Variants in SORCS1 observed in about 807,000 individuals in gnomAD.
SORCS1 encodes the protein sortilin related VPS10 domain containing receptor 1.
Under a neutral mutation model 146.1 loss-of-function variants are expected in SORCS1, and 60 were observed. The ratio of observed to expected loss-of-function variants is 0.41; its 90% CI spans 0.33 to 0.51. SORCS1 has a LOEUF of 0.51. Among genes scored for constraint, SORCS1 ranks in the 20% least tolerant of loss-of-function variants. SORCS1 has a pLI of 0.21. For synonymous variants in SORCS1, 637 were observed against 584.0 expected (o/e 1.09, Z -1.31); for missense variants, 1,352 against 1,487.6 (o/e 0.91, Z 1.50).
At chr10:106,632,464 G>A (rs1035954165) in intron 18 of SORCS1, among the ~76,000 whole-genome samples, 1 of 152,148 alleles carries the variant, frequency 6.6e-6, no homozygotes, top group African/African-American at 2.4e-5. Context: ...AAGGATGTCA[G>A]CCACTTTCAG....
At chr10:107,006,924 C>A (rs1388184549) in intron 1 of SORCS1, among the ~76,000 whole-genome samples, 3 of 141,924 alleles carry the variant, frequency 2.1e-5, no homozygotes, top group African/African-American at 3.1e-5. Flanking sequence ...TGATTATAAA[C>A]AAATTTACAT....
chr10:106,590,194 C>T (rs1285110141), intron 24 of SORCS1, among the ~76,000 whole-genome samples: 4 of 152,142 alleles, frequency 2.6e-5, no homozygotes, highest in Non-Finnish European at 5.9e-5. Context: ...ACCTGCAATG[C>T]TTATTTGCTC....
intron 7 of SORCS1, among the ~76,000 whole-genome samples, chr10:106,708,526 A>G (rs1490110150): frequency 2.6e-5 from 4 of 152,200 alleles, no homozygotes; most frequent in African/African-American, 9.7e-5. Flanking sequence ...TTGTCCAAAC[A>G]AGCTTAAATT....
intron 1 of SORCS1, among the ~76,000 whole-genome samples, chr10:107,032,868 C>T (rs1401894241): frequency 6.6e-6 from 1 of 152,178 alleles, no homozygotes; most frequent in Non-Finnish European, 1.5e-5. Context: ...CAGTCATCAA[C>T]CTAGCAACAA....
chr10:106,580,242 G>A (rs970538400), intron 24 of SORCS1, among the ~76,000 whole-genome samples: 1 of 152,158 alleles, frequency 6.6e-6, no homozygotes, highest in Non-Finnish European at 1.5e-5. Flanking sequence ...CCACCTGGCT[G>A]TCTCCACAAT....
intron 1 of SORCS1, among the ~76,000 whole-genome samples, chr10:107,026,739 T>C (rs1751724710): frequency 6.6e-6 from 1 of 152,048 alleles, no homozygotes; most frequent in Admixed American, 6.6e-5. Context: ...GAGTGTGATG[T>C]GACACCCTGC....
chr10:106,973,299 T>C (rs2139242048), intron 1 of SORCS1, among the ~76,000 whole-genome samples: 1 of 152,346 alleles, frequency 6.6e-6, no homozygotes, highest in East Asian at 1.9e-4. Context: ...GTGGGAACTC[T>C]GTTGCAGGAA....
chr10:106,967,133 T>C (rs1426855044), intron 1 of SORCS1, among the ~76,000 whole-genome samples: 5 of 148,506 alleles, frequency 3.4e-5, no homozygotes, highest in Non-Finnish European at 7.4e-5. Context: ...AAAAATGCAC[T>C]CCCTCCAAAA....
rs778043201 is a variant in SORCS1 at position 106,611,943 on chromosome 10, T to C, written c.3001A>G (p.Ile1001Val). Residue 1001 changes from isoleucine to valine, a missense_variant, in exon 22 of 26, where the codon ATC (isoleucine) becomes GTC (valine). Physicochemically the swap from Ile to Val is conservative, Grantham distance 29 (BLOSUM62 3). Transcript: ENST00000263054. ...NPDIPEWRRDIGRVIKKSLVE... is the reference protein window; with the variant it reads ...NPDIPEWRRDVGRVIKKSLVE... The stretch of plus-strand genomic sequence containing the variant: ...AGGGATTTTTTGATGACTCGACCGA[T>C]GTCCCTCCTCCACTCAGGGATGTCC... 6.2e-7 allele frequency: 1 copy of C among 1,614,140 alleles called. No individual in the cohort carries two copies. Among genetic ancestry groups the C allele is most frequent in the South Asian group, 1.1e-5 (1 of 91,074 alleles).
intron 2 of SORCS1, among the ~76,000 whole-genome samples, chr10:106,847,933 C>A (rs2137227656): frequency 6.6e-6 from 1 of 151,058 alleles, no homozygotes; most frequent in African/African-American, 2.5e-5. Flanking sequence ...AGTTTGCTTG[C>A]ACTGTGGTCT....
chr10:106,731,407 A>G (rs1029450798), intron 5 of SORCS1, among the ~76,000 whole-genome samples: 1 of 149,914 alleles, frequency 6.7e-6, no homozygotes, highest in Non-Finnish European at 1.5e-5. Context: ...ATCTCCTGCC[A>G]CACTGAAAGA....
chr10:106,872,993 T>C (rs1055441565), intron 2 of SORCS1, among the ~76,000 whole-genome samples: 1 of 151,994 alleles, frequency 6.6e-6, no homozygotes, highest in East Asian at 1.9e-4. Context: ...GCCAATATGG[T>C]GAAACCCCAT....
chr10:106,786,405 C>T (rs1259347453), intron 3 of SORCS1, among the ~76,000 whole-genome samples: 1 of 152,104 alleles, frequency 6.6e-6, no homozygotes, highest in African/African-American at 2.4e-5. Context: ...TCCTCCAGGA[C>T]CCCCCATGTG....
chr10:106,862,263 C>T (rs1042453523), intron 2 of SORCS1, among the ~76,000 whole-genome samples: 20 of 152,152 alleles, frequency 1.3e-4, no homozygotes, highest in African/African-American at 4.1e-4. Context: ...TCAGGGTGAA[C>T]GCACATCTTC....
chr10:106,820,241 T>C (rs1157494067), intron 3 of SORCS1, among the ~76,000 whole-genome samples: 1 of 152,194 alleles, frequency 6.6e-6, no homozygotes, highest in East Asian at 1.9e-4. Context: ...GGAAAAGATT[T>C]TTCTCTCCCA....
At chr10:106,926,879 AGAGAGAGAGAG>A (rs1564818725) in intron 2 of SORCS1, among the ~76,000 whole-genome samples, 23 of 141,108 alleles carry the variant, frequency 1.6e-4, no homozygotes, top group African/African-American at 5.3e-4. Context: ...AGAGAGAGAG[AGAGAGAGAGAG>A]AGAGAGAGAA....
At chr10:106,768,789 C>T (rs1266595370) in intron 4 of SORCS1, among the ~76,000 whole-genome samples, 1 of 152,168 alleles carries the variant, frequency 6.6e-6, no homozygotes, top group East Asian at 1.9e-4. Context: ...ACCAGGGGTG[C>T]TTTCTTTCAG....
At chr10:106,912,567 T>A (rs1952219159) in intron 2 of SORCS1, among the ~76,000 whole-genome samples, 1 of 152,188 alleles carries the variant, frequency 6.6e-6, no homozygotes, top group African/African-American at 2.4e-5. Context: ...CACTGTATAA[T>A]CCTTCTGGGG....
chr10:106,679,841 C>T (rs1299791015), intron 10 of SORCS1, 107 bp from the exon 11 acceptor site: 8 of 806,144 alleles, frequency 9.9e-6, no homozygotes, highest in Admixed American at 2.2e-5. Context: ...ATTTACCATA[C>T]ATCCATGCAC....
Sources: gnomAD v4.1 joint callset for allele counts (sites outside exome capture counted in the v4.1 genomes callset) on GRCh38, gnomAD v4.1.1 for gene constraint, MANE v1.5 for transcripts, NCBI Gene and HGNC (gene_info 2026-07-23, HGNC 2026-07-21) for gene names.